The following SRBD1 variants were observed in gnomAD, a reference collection of about 807,000 sequenced individuals.
The protein encoded by SRBD1 is S1 RNA-binding domain-containing protein 1.
A neutral mutation model predicts 115.3 loss-of-function variants in SRBD1; 88 were observed. The ratio of observed to expected loss-of-function variants is 0.76; its 90% CI spans 0.64 to 0.91. The LOEUF (loss-of-function observed/expected upper bound fraction) is 0.91, where lower values mean the gene tolerates loss of function less well. Among genes scored for constraint, SRBD1 ranks in the 40% least tolerant of loss-of-function variants. The pLI is 0.00. For missense variants in SRBD1, 1,385 were observed against 1,177.4 expected (o/e 1.18, Z -2.58); for synonymous variants, 509 against 407.7 (o/e 1.25, Z -2.99).
chr2:45,584,844 A>G (rs777825633), intron 5 of SRBD1, among the ~76,000 whole-genome samples: 5 of 152,174 alleles, frequency 3.3e-5, no homozygotes, highest in Non-Finnish European at 7.4e-5. Context: ...TTAAATTACC[A>G]TAACCATTAA....
At chr2:45,539,979 A>C (rs1671882906) in intron 14 of SRBD1, among the ~76,000 whole-genome samples, 1 of 152,234 alleles carries the variant, frequency 6.6e-6, no homozygotes, top group Non-Finnish European at 1.5e-5. Flanking sequence ...ATAGCCAGGA[A>C]AAAAGTGACA....
intron 16 of SRBD1, among the ~76,000 whole-genome samples, chr2:45,440,363 G>GA (rs1438567255): frequency 3.9e-5 from 6 of 152,162 alleles, no homozygotes; most frequent in Non-Finnish European, 8.8e-5. Context: ...TATGGTGGAC[G>GA]AATGATAGGG....
chr2:45,439,347 T>C (rs1426325079), intron 16 of SRBD1, among the ~76,000 whole-genome samples: 1 of 143,956 alleles, frequency 6.9e-6, no homozygotes, highest in African/African-American at 2.8e-5. Context: ...AAGTAAAACA[T>C]GGTATTCTAG....
At chr2:45,415,472 ATATTT>A (rs1667791091) in intron 18 of SRBD1, among the ~76,000 whole-genome samples, 1 of 146,352 alleles carries the variant, frequency 6.8e-6, no homozygotes, top group African/African-American at 2.5e-5. Context: ...CTATAAGAAT[ATATTT>A]TATATATATG....
At chr2:45,512,820 A>G (rs1195013031) in intron 14 of SRBD1, among the ~76,000 whole-genome samples, 1 of 152,044 alleles carries the variant, frequency 6.6e-6, no homozygotes, top group Non-Finnish European at 1.5e-5. Context: ...GTAAGTGAAT[A>G]TTTTTCTTTA....
chr2:45,406,311 T>C (rs1288228342), intron 19 of SRBD1, among the ~76,000 whole-genome samples: 2 of 152,162 alleles, frequency 1.3e-5, no homozygotes, highest in East Asian at 3.8e-4. Context: ...AAGGTAGTTT[T>C]GAGTTTTTTC....
intron 16 of SRBD1, among the ~76,000 whole-genome samples, chr2:45,453,003 T>A (rs759118816): frequency 4.6e-5 from 7 of 151,982 alleles, no homozygotes; most frequent in South Asian, 2.1e-4. Context: ...ATACTGTGTT[T>A]GTAATAACTG....
intron 4 of SRBD1, among the ~76,000 whole-genome samples, chr2:45,597,077 A>G (rs1479017832): frequency 6.6e-6 from 1 of 152,026 alleles, no homozygotes; most frequent in Non-Finnish European, 1.5e-5. Flanking sequence ...GCACTGGACC[A>G]GAGATGGATA....
chr2:45,574,582 A>G, intron 8 of SRBD1, 45 bp downstream of exon 8: 1 of 1,562,772 alleles, frequency 6.4e-7, no homozygotes. Context: ...GACCCTTAAC[A>G]GCATGAGTCC....
intron 7 of SRBD1, among the ~76,000 whole-genome samples, chr2:45,576,584 A>G (rs1412990608): frequency 1.3e-5 from 2 of 152,224 alleles, no homozygotes; most frequent in African/African-American, 4.8e-5. Flanking sequence ...TTTCAGTAAC[A>G]AATTACCTTT....
intron 11 of SRBD1, 41 bp from the exon 12 acceptor site, chr2:45,551,323 A>T (rs1159291243): frequency 6.4e-7 from 1 of 1,560,830 alleles, no homozygotes; most frequent in Non-Finnish European, 8.6e-7. Flanking sequence ...TCATTCACCC[A>T]AATTTTCTTT....
intron 19 of SRBD1, among the ~76,000 whole-genome samples, chr2:45,397,572 A>T (rs934928688): frequency 3.9e-5 from 6 of 152,178 alleles, no homozygotes; most frequent in Non-Finnish European, 7.4e-5. Flanking sequence ...AGGGACAGCA[A>T]TGTGAACTGC....
intron 16 of SRBD1, among the ~76,000 whole-genome samples, chr2:45,454,516 A>T (rs1284969477): frequency 6.6e-6 from 1 of 151,902 alleles, no homozygotes; most frequent in Non-Finnish European, 1.5e-5. Context: ...TCCATTGAAT[A>T]GTAACATGTT....
At chr2:45,480,823 C>T (rs889923095) in intron 15 of SRBD1, among the ~76,000 whole-genome samples, 1 of 151,962 alleles carries the variant, frequency 6.6e-6, no homozygotes, top group Non-Finnish European at 1.5e-5. Flanking sequence ...ACTGATAAAG[C>T]AGCAGCAGCA....
chr2:45,569,004 TA>T, intron 9 of SRBD1, among the ~76,000 whole-genome samples: 1 of 152,344 alleles, frequency 6.6e-6, no homozygotes, highest in East Asian at 1.9e-4. Context: ...TTAGATATAA[TA>T]GTGAAACATT....
chr2:45,448,312 T>A (rs957888514), intron 16 of SRBD1, among the ~76,000 whole-genome samples: 2 of 152,098 alleles, frequency 1.3e-5, no homozygotes, highest in East Asian at 3.8e-4. Flanking sequence ...TAGAACTAGA[T>A]AGAATAATAT....
At chr2:45,477,922 T>G (rs1669851775) in intron 15 of SRBD1, among the ~76,000 whole-genome samples, 1 of 151,952 alleles carries the variant, frequency 6.6e-6, no homozygotes, top group South Asian at 2.1e-4. Flanking sequence ...TTTCAAACAT[T>G]CCTTTAACTG....
chr2:45,421,482 G>C (rs537580271), intron 16 of SRBD1, among the ~76,000 whole-genome samples: 4 of 121,768 alleles, frequency 3.3e-5, no homozygotes, highest in South Asian at 2.7e-4. Flanking sequence ...ACTCCAGCCT[G>C]GGTGACGGTG....
intron 4 of SRBD1, among the ~76,000 whole-genome samples, chr2:45,591,901 A>G (rs1016621174): frequency 3.9e-5 from 6 of 152,194 alleles, no homozygotes; most frequent in Admixed American, 1.3e-4. Context: ...ATGGTGGAGT[A>G]TGACCTTCCA....
Sources: allele counts gnomAD v4.1 joint callset (sites outside exome capture counted in the v4.1 genomes callset), GRCh38; gene constraint gnomAD v4.1.1; transcripts MANE v1.5; gene names NCBI Gene and HGNC (gene_info 2026-07-23, HGNC 2026-07-21).